PALM2AKAP2: variants seen among roughly 807,000 people sequenced by gnomAD.
PALM2AKAP2 encodes the protein PALM2 and AKAP2 fusion.
PALM2AKAP2 carries 37 observed loss-of-function variants against 71.5 expected under a neutral mutation model. The ratio of observed to expected loss-of-function variants is 0.52; its 90% confidence interval spans 0.40 to 0.68. The LOEUF (loss-of-function observed/expected upper bound fraction) is 0.68, where lower values mean the gene tolerates loss of function less well. PALM2AKAP2 is among the 30% of genes least tolerant of loss of function. PALM2AKAP2 has a pLI of 0.00. For missense variants in PALM2AKAP2, 1,224 were observed against 1,191.8 expected, an observed-to-expected ratio of 1.03 and a Z score of -0.40; for synonymous variants, 468 against 478.8, an observed-to-expected ratio of 0.98 and a Z score of 0.29.
chr9:109,776,842 G>A (rs1021220821), upstream of PALM2AKAP2, among the ~76,000 whole-genome samples: 1 of 152,142 alleles, frequency 6.6e-6, no homozygotes, highest in African/African-American at 2.4e-5. Flanking sequence ...CCGCAACACT[G>A]AATAAACACA....
chr9:110,045,421 G>A (rs535345527), upstream of PALM2AKAP2, among the ~76,000 whole-genome samples: 6 of 152,234 alleles, frequency 3.9e-5, no homozygotes, highest in Non-Finnish European at 5.9e-5. Context: ...GCAGGCAGTG[G>A]GTGATAAAGC....
In PALM2AKAP2 at chr9:109,935,681, G is replaced by A. The variant is rs552819905; in HGVS notation, c.496+3653G>A. ...CATGATGTCAAGCTCCTTCGATGTA[G>A]TTTAGAATCCCCTCATTCTCATTTT... On this transcript the variant is annotated intron_variant, in intron 6 of 9. Transcript: ENST00000302798. 3.3e-5 allele frequency among the ~76,000 whole-genome samples: 5 copies of A among 152,274 alleles called. No homozygotes were observed. The South Asian group carries it at 1.0e-3, about 32-fold the overall frequency.
At chr9:109,986,805 G>A (rs992254753) in intron 6 of PALM2AKAP2, among the ~76,000 whole-genome samples, 3 of 152,132 alleles carry the variant, frequency 2.0e-5, no homozygotes, top group African/African-American at 7.2e-5. Flanking sequence ...ACTGCATTGA[G>A]GAGAAAGCTC....
rs117543743 is a variant in PALM2AKAP2, at chr9:109,833,816, C to T, written c.46-33675C>T. Among the ~76,000 whole-genome samples the T allele has an allele frequency of 8.4e-3, 1,274 of 152,280 alleles. 48 individuals are homozygous for T. The highest frequency in any genetic ancestry group is 0.068 in the Admixed American group (1,046 of 15,298). On this transcript the variant is annotated intron_variant, in intron 1 of 9. Transcript: ENST00000302798. The stretch of plus-strand genomic sequence containing the variant: ...CTGACCTCTGGGGAATAATACTGCC[C>T]CAAGTTGAGAGCCTCTGTCCGGTTT...
chr9:109,861,458 G>C (rs751750722), intron 1 of PALM2AKAP2, among the ~76,000 whole-genome samples: 1 of 152,084 alleles, frequency 6.6e-6, no homozygotes, highest in Non-Finnish European at 1.5e-5. Context: ...ATTATAACAT[G>C]TTCTATCATG....
chr9:110,044,068 A>G (rs10980158), upstream of PALM2AKAP2, among the ~76,000 whole-genome samples: 10,249 of 152,002 alleles, frequency 0.067, 354 homozygotes, highest in Middle Eastern at 0.15. Context: ...CAATTTTCTT[A>G]TTGATTTGCA....
At chr9:109,924,653 G>A (rs1026677967) in intron 4 of PALM2AKAP2, among the ~76,000 whole-genome samples, 13 of 152,170 alleles carry the variant, frequency 8.5e-5, no homozygotes, top group South Asian at 4.2e-4. Flanking sequence ...AGGTGGTGCC[G>A]TGTATCAAAG....
intron 1 of PALM2AKAP2, among the ~76,000 whole-genome samples, chr9:109,838,244 C>T (rs1328422695): frequency 6.6e-6 from 1 of 152,220 alleles, no homozygotes; most frequent in African/African-American, 2.4e-5. Flanking sequence ...TGCACAACTA[C>T]ATGGAAACTG....
chr9:110,028,501 G>A (rs1833220946), intron 7 of PALM2AKAP2, among the ~76,000 whole-genome samples: 1 of 152,182 alleles, frequency 6.6e-6, no homozygotes, highest in Admixed American at 6.5e-5. Context: ...AGGAGAAACT[G>A]TTATTAATCC....
At chr9:110,165,003 C>G (rs1268283740) in intron 3 of PALM2AKAP2, among the ~76,000 whole-genome samples, 1 of 152,108 alleles carries the variant, frequency 6.6e-6, no homozygotes, top group African/African-American at 2.4e-5. Flanking sequence ...GAGTTCAAAT[C>G]TTGGTTTTGC....
intron 6 of PALM2AKAP2, among the ~76,000 whole-genome samples, chr9:109,932,864 TTAAAA>T (rs1831137669): frequency 2.0e-5 from 3 of 152,186 alleles, no homozygotes; most frequent in Admixed American, 2.0e-4. Flanking sequence ...AAGTGTATGT[TTAAAA>T]TAAATCACAT....
At chr9:109,809,847 G>C (rs1249940601) in intron 1 of PALM2AKAP2, among the ~76,000 whole-genome samples, 2 of 152,120 alleles carry the variant, frequency 1.3e-5, no homozygotes, top group Non-Finnish European at 2.9e-5. Flanking sequence ...TGAGTGAGTT[G>C]GTTTTATAAG....
At chr9:109,789,934 A>T (rs1315363577) in intron 1 of PALM2AKAP2, among the ~76,000 whole-genome samples, 1 of 152,092 alleles carries the variant, frequency 6.6e-6, no homozygotes, top group Non-Finnish European at 1.5e-5. Flanking sequence ...CAGAGACAAG[A>T]CTACACCCTA....
At chr9:109,786,354 G>A (rs1272242369) in intron 1 of PALM2AKAP2, among the ~76,000 whole-genome samples, 2 of 152,216 alleles carry the variant, frequency 1.3e-5, no homozygotes, top group East Asian at 1.9e-4. Flanking sequence ...GTAGAAACAG[G>A]CACTGTGATT....
At chr9:109,992,363 A>G (rs1832500317) in intron 6 of PALM2AKAP2, among the ~76,000 whole-genome samples, 1 of 152,320 alleles carries the variant, frequency 6.6e-6, no homozygotes, top group Non-Finnish European at 1.5e-5. Flanking sequence ...CTATTTCCAC[A>G]TAAGGTCATA....
chr9:109,925,392 A>G (rs1250827713), intron 5 of PALM2AKAP2, among the ~76,000 whole-genome samples: 1 of 150,950 alleles, frequency 6.6e-6, no homozygotes, highest in Non-Finnish European at 1.5e-5. Flanking sequence ...AAGAGTACTA[A>G]CATCAGGACC....
chr9:110,065,506 G>A (rs1017985669), intron 1 of PALM2AKAP2, among the ~76,000 whole-genome samples: 3 of 152,202 alleles, frequency 2.0e-5, no homozygotes, highest in African/African-American at 7.2e-5. Flanking sequence ...GGTCTTAGGT[G>A]TGAGCCATCG....
intron 1 of PALM2AKAP2, among the ~76,000 whole-genome samples, chr9:110,101,423 T>C (rs980713746): frequency 6.6e-6 from 1 of 152,044 alleles, no homozygotes; most frequent in Non-Finnish European, 1.5e-5. Flanking sequence ...TCTGATCTGC[T>C]TGAAAGACAA....
intron 2 of PALM2AKAP2, among the ~76,000 whole-genome samples, chr9:110,154,772 A>G (rs1836406286): frequency 6.6e-6 from 1 of 152,144 alleles, no homozygotes; most frequent in Non-Finnish European, 1.5e-5. Context: ...ATTAAAACCT[A>G]TTTTCCACCT....
Sources: gnomAD v4.1 joint callset for allele counts (sites outside exome capture counted in the v4.1 genomes callset) on GRCh38, gnomAD v4.1.1 for gene constraint, MANE v1.5 for transcripts, NCBI Gene and HGNC (gene_info 2026-07-23, HGNC 2026-07-21) for gene names.